The following INSR variants were observed in gnomAD, a reference collection of about 807,000 sequenced individuals.
INSR encodes the protein insulin receptor.
A neutral mutation model predicts 142.6 loss-of-function variants in INSR; 67 were observed. That is an observed-to-expected ratio of 0.47 (90% CI 0.39 to 0.58). INSR has a LOEUF of 0.58. INSR is among the 20% of genes least tolerant of loss of function. INSR has a pLI of 0.00. For missense variants in INSR, 1,248 were observed against 1,833.2 expected (o/e 0.68, Z 5.83); for synonymous variants, 756 against 743.1 (o/e 1.02, Z -0.28).
At chr19:7,261,244 T>G (rs1367825311) in intron 2 of INSR, among the ~76,000 whole-genome samples, 1 of 152,078 alleles carries the variant, frequency 6.6e-6, no homozygotes, top group East Asian at 1.9e-4. Flanking sequence ...TGTACTTGGT[T>G]TGATCGTGAA....
rs151191151 is a variant in INSR at position 7,275,611 on chromosome 19, C to T, written c.101-7715G>A. ...CAGCCTGGATAACATGGTGAAACCC[C>T]GTCTCTACTAAAAATACAAAACTTA... On this transcript the variant is annotated intron_variant, in intron 1 of 21. Transcript: ENST00000302850. Among the ~76,000 whole-genome samples, 993 of 151,892 alleles carry T rather than the reference C, an allele frequency of 6.5e-3. 10 individuals are homozygous for T. Among genetic ancestry groups the T allele is most frequent in the African/African-American group, 0.023 (952 of 41,430 alleles).
At chr19:7,162,066 C>G (rs924060284) in intron 9 of INSR, among the ~76,000 whole-genome samples, 4 of 151,986 alleles carry the variant, frequency 2.6e-5, no homozygotes, top group Non-Finnish European at 5.9e-5. Context: ...GTGGCTCATG[C>G]CTGTAATCAC....
chr19:7,206,055 G>A (rs1216695146), intron 2 of INSR, among the ~76,000 whole-genome samples: 4 of 152,138 alleles, frequency 2.6e-5, no homozygotes, highest in Non-Finnish European at 5.9e-5. Flanking sequence ...GGGAACCATC[G>A]AAGTACCTTG....
chr19:7,153,049 C>A lies in INSR; in HGVS notation c.2030-122G>T, dbSNP rs866802136. 1.4e-4 allele frequency: 51 copies of A among 374,430 alleles called. 2 individuals are homozygous for A. Among genetic ancestry groups the A allele is most frequent in the African/African-American group, 6.3e-4 (7 of 11,152 alleles). 23.2% of individuals were successfully genotyped at this position (374,430 alleles called of 1,614,324 possible). A position where few individuals can be genotyped will look rare whatever the true frequency, so the allele number is the denominator to read the frequency against. On this transcript the variant is annotated intron_variant, in intron 9 of 21. Coordinates refer to ENST00000302850, the MANE Select transcript of INSR (RefSeq NM_000208.4). ...CACCACACACACACACACCACACAC[C>A]CCCCCACACACACACACCACACACA...
At chr19:7,274,698 G>A (rs1197476069) in intron 1 of INSR, among the ~76,000 whole-genome samples, 3 of 151,174 alleles carry the variant, frequency 2.0e-5, no homozygotes, top group South Asian at 2.1e-4. Context: ...AGCTACACTC[G>A]GGAGGCTGAG....
intron 10 of INSR, 152 bp downstream of exon 10, chr19:7,152,574 C>G (rs914353169): frequency 1.3e-6 from 1 of 756,164 alleles, no homozygotes; most frequent in Non-Finnish European, 2.4e-6. Flanking sequence ...ACTGCAAGAT[C>G]TCTTCCTCCA....
chr19:7,141,946 G>A (rs539012697), intron 12 of INSR, 130 bp from the exon 13 acceptor site: 18 of 751,486 alleles, frequency 2.4e-5, no homozygotes, highest in African/African-American at 6.9e-5. Context: ...GTCAGAGAAC[G>A]GACATCTAAA....
At chr19:7,260,513 G>A (rs551035049) in intron 2 of INSR, among the ~76,000 whole-genome samples, 1 of 152,182 alleles carries the variant, frequency 6.6e-6, no homozygotes, top group South Asian at 2.1e-4. Flanking sequence ...TCCCTCTGGG[G>A]CTGGAGGTGT....
At chr19:7,270,277 C>T (rs1967872689) in intron 1 of INSR, among the ~76,000 whole-genome samples, 2 of 150,596 alleles carry the variant, frequency 1.3e-5, no homozygotes, top group South Asian at 2.1e-4. Context: ...TGGCCATAGC[C>T]CTGGGCTTCT....
Position 7,163,268 on chromosome 19 carries a change from C to T in INSR, c.1862-69G>A, listed in dbSNP as rs963378736. 25 of 1,458,980 alleles carry T rather than the reference C, an allele frequency of 1.7e-5. No individual in the cohort carries two copies. The Admixed American group carries it at 3.2e-4, about 19-fold the overall frequency. The allele number at this position is 1,458,980 out of a possible 1,614,324, so 90.4% of individuals were successfully genotyped here. On this transcript the variant is annotated intron_variant, in intron 8 of 21. Coordinates refer to ENST00000302850, the MANE Select transcript of INSR (RefSeq NM_000208.4). ...GCAAAGAAAGCTGGTGGGAGGATGGCGGGGGACACACAAGTTAAAGACATC... is the reference window on the plus strand; with the variant it reads ...GCAAAGAAAGCTGGTGGGAGGATGGTGGGGGACACACAAGTTAAAGACATC...
At chr19:7,249,692 A>G (rs1669226363) in intron 2 of INSR, among the ~76,000 whole-genome samples, 1 of 152,048 alleles carries the variant, frequency 6.6e-6, no homozygotes, top group African/African-American at 2.4e-5. Flanking sequence ...TACAAAAAAT[A>G]AATTAAAAAA....
At chr19:7,141,863 A>G in intron 12 of INSR, 47 bp from the exon 13 acceptor site, 1 of 1,508,216 alleles carries the variant, frequency 6.6e-7, no homozygotes, top group Non-Finnish European at 9.2e-7. Context: ...CTTGGATGAG[A>G]TCCCACTTCT....
chr19:7,285,122 C>T (rs886673082), intron 1 of INSR, among the ~76,000 whole-genome samples: 4 of 151,984 alleles, frequency 2.6e-5, no homozygotes, highest in Admixed American at 6.6e-5. Flanking sequence ...CGAGACCAGC[C>T]TGGGCAACAT....
intron 2 of INSR, among the ~76,000 whole-genome samples, chr19:7,209,686 T>C (rs936584637): frequency 2.0e-5 from 3 of 152,044 alleles, no homozygotes; most frequent in African/African-American, 7.2e-5. Context: ...AGTGCTGGGA[T>C]TACAGGTGTG....
chr19:7,120,517 G>C (rs1295088408), intron 20 of INSR, 103 bp downstream of exon 20: 8 of 1,391,388 alleles, frequency 5.7e-6, no homozygotes, highest in Non-Finnish European at 8.1e-6. Flanking sequence ...TTTCCTTGAT[G>C]GGGCGTCCAG....
chr19:7,223,064 T>C (rs951338929), intron 2 of INSR, among the ~76,000 whole-genome samples: 2 of 152,054 alleles, frequency 1.3e-5, no homozygotes, highest in African/African-American at 4.8e-5. Flanking sequence ...GCACCTGTAA[T>C]CCCAGCTACT....
intron 11 of INSR, among the ~76,000 whole-genome samples, chr19:7,146,271 TGC>T (rs1973186027): frequency 7.1e-6 from 1 of 140,646 alleles, no homozygotes; most frequent in Non-Finnish European, 1.5e-5. Context: ...GACAGAGTTT[TGC>T]TCTGTTGCCA....
chr19:7,222,126 G>T (rs1450038034), intron 2 of INSR, among the ~76,000 whole-genome samples: 2 of 9,170 alleles, frequency 2.2e-4, no homozygotes, highest in South Asian at 0.01. Context: ...TATGTCCTCG[G>T]TAAAAAAAAA....
chr19:7,172,524 T>C, intron 4 of INSR, 90 bp from the exon 5 acceptor site: 1 of 1,371,738 alleles, frequency 7.3e-7, no homozygotes, highest in Non-Finnish European at 1.0e-6. Context: ...ACCCTCAGGC[T>C]GCAAATGACT....
Sources: gnomAD v4.1 joint callset for allele counts (sites outside exome capture counted in the v4.1 genomes callset) on GRCh38, gnomAD v4.1.1 for gene constraint, MANE v1.5 for transcripts, NCBI Gene and HGNC (gene_info 2026-07-23, HGNC 2026-07-21) for gene names.